Variants in BUB1B observed in about 807,000 individuals in gnomAD.
BUB1B encodes the protein mitotic checkpoint serine/threonine-protein kinase BUB1 beta.
Under a neutral mutation model 137.7 loss-of-function variants are expected in BUB1B, and 86 were observed. That is an observed-to-expected ratio of 0.62 (90% CI 0.52 to 0.75). BUB1B has a LOEUF of 0.75. BUB1B is among the 30% of genes least tolerant of loss of function. The probability of loss-of-function intolerance (pLI) is 0.00; values close to 1 mark genes in which losing one functional copy is unlikely to be tolerated. For synonymous variants in BUB1B, 420 were observed against 417.9 expected, an observed-to-expected ratio of 1.00 and a Z score of -0.06; for missense variants, 1,130 against 1,236.9, an observed-to-expected ratio of 0.91 and a Z score of 1.30.
rs140988235 is a variant in BUB1B at position 40,163,289 on chromosome 15, A to G, written c.36-1764A>G. ...AAATTACTGTAAAATAAAAATCTGT[A>G]AAGGCTGGGAGCGGTGGCTCACACC... On this transcript the variant is annotated intron_variant, in intron 1 of 22. Coordinates refer to ENST00000287598, the MANE Select transcript of BUB1B (RefSeq NM_001211.6). Among the ~76,000 whole-genome samples, 609 of 152,314 alleles carry G rather than the reference A, an allele frequency of 4.0e-3. 4 individuals carry two copies. The highest frequency in any genetic ancestry group is 0.01 in the Middle Eastern group (3 of 294).
At chr15:40,179,990 C>A (rs867116291) in intron 5 of BUB1B, among the ~76,000 whole-genome samples, 168 of 136,652 alleles carry the variant, frequency 1.2e-3, no homozygotes, top group African/African-American at 3.6e-3. Context: ...ATATATATAT[C>A]TCTTAAATAA....
intron 8 of BUB1B, among the ~76,000 whole-genome samples, chr15:40,190,074 G>C (rs1431739701): frequency 2.0e-5 from 3 of 152,134 alleles, no homozygotes; most frequent in Non-Finnish European, 2.9e-5. Context: ...CTCCTTATCT[G>C]TAGGGGATAC....
At chr15:40,164,669 T>C (rs973535424) in intron 1 of BUB1B, among the ~76,000 whole-genome samples, 1 of 151,390 alleles carries the variant, frequency 6.6e-6, no homozygotes, top group Non-Finnish European at 1.5e-5. Flanking sequence ...TTTCTTTTTT[T>C]TTTTTTTTTT....
intron 8 of BUB1B, among the ~76,000 whole-genome samples, chr15:40,187,952 T>C (rs940487425): frequency 1.3e-5 from 2 of 152,194 alleles, no homozygotes; most frequent in African/African-American, 4.8e-5. Context: ...TTTATAGAAA[T>C]GGATAACATA....
At chr15:40,186,938 C>G (rs2037373371) in intron 8 of BUB1B, 1 of 149,302 alleles carries the variant, frequency 6.7e-6, no homozygotes, top group South Asian at 2.1e-4. Context: ...GAGTCTTGCT[C>G]TGTTGCCCAG....
At chr15:40,176,430 TC>T in intron 4 of BUB1B, 46 bp from the exon 5 acceptor site, 1 of 1,552,494 alleles carries the variant, frequency 6.4e-7, no homozygotes. Flanking sequence ...TAATAGGCAT[TC>T]AATACGTGAG....
intron 8 of BUB1B, among the ~76,000 whole-genome samples, chr15:40,191,577 A>G (rs1296685860): frequency 6.6e-6 from 1 of 152,102 alleles, no homozygotes; most frequent in Non-Finnish European, 1.5e-5. Flanking sequence ...GCTTTTATAC[A>G]TTTTCTTCTA....
intron 20 of BUB1B, 145 bp from the exon 21 acceptor site, chr15:40,217,351 C>A: frequency 1.2e-6 from 1 of 804,792 alleles, no homozygotes; most frequent in Non-Finnish European, 2.1e-6. Flanking sequence ...CTCTGTCTTA[C>A]AGGTGCATTT....
rs145639700 is a variant in BUB1B, at chr15:40,217,569, C to T, written c.2752C>T (p.Leu918Phe). 6 of 1,614,038 alleles carry T rather than the reference C, an allele frequency of 3.7e-6. No individual in the cohort carries two copies. The highest frequency in any genetic ancestry group is 5.1e-6 in the Non-Finnish European group (6 of 1,179,980). Residue 918 changes from leucine to phenylalanine, a missense_variant, in exon 21 of 23, where the codon CTT becomes TTT. Leu to Phe is a conservative substitution (Grantham distance 22). Coordinates refer to ENST00000287598, the MANE Select transcript of BUB1B (RefSeq NM_001211.6). The stretch of plus-strand genomic sequence containing the variant: ...AGTGGACTTTTCCTACAGTGTTGAC[C>T]TTAGGGTGCAGCTGGATGTTTTTAC... ...KIVDFSYSVD[L>F]RVQLDVFTLS...
At position 40,206,369 on chromosome 15, in the gene BUB1B, G is replaced by A. The variant is rs755507111; in HGVS notation, c.1920G>A (p.Pro640=). 8.3e-5 allele frequency: 134 copies of A among 1,613,982 alleles called. 1 individual carries two copies. In the East Asian group the frequency reaches 2.0e-3, roughly 25 times the overall value. ...CTTCTGATCCTGAGAGACTGTTACCGGAAGAAGATCTAGATGTAAAGACCT... is the reference window on the plus strand; with the variant it reads ...CTTCTGATCCTGAGAGACTGTTACCAGAAGAAGATCTAGATGTAAAGACCT... The part of the protein sequence containing the change: ...DLPSDPERLL[P]EEDLDVKTSE... The change falls in exon 15 of 23, where the codon CCG becomes CCA. Residue 640 remains proline, a synonymous_variant. Coordinates refer to ENST00000287598, the MANE Select transcript of BUB1B (RefSeq NM_001211.6).
At chr15:40,189,460 A>G (rs1206573734) in intron 8 of BUB1B, among the ~76,000 whole-genome samples, 1 of 152,160 alleles carries the variant, frequency 6.6e-6, no homozygotes, top group African/African-American at 2.4e-5. Context: ...GCGTCCAGGC[A>G]GTGTATGGTC....
At chr15:40,167,471 T>G (rs1276483988) in intron 2 of BUB1B, among the ~76,000 whole-genome samples, 4 of 150,632 alleles carry the variant, frequency 2.7e-5, no homozygotes, top group Non-Finnish European at 4.4e-5. Context: ...GCCTCCTGAG[T>G]AGCTGGGATT....
intron 5 of BUB1B, among the ~76,000 whole-genome samples, chr15:40,178,125 C>G (rs2037243457): frequency 6.6e-6 from 1 of 150,546 alleles, no homozygotes; most frequent in Non-Finnish European, 1.5e-5. Flanking sequence ...ATATAACTTG[C>G]TCTTCTTTTT....
intron 2 of BUB1B, among the ~76,000 whole-genome samples, chr15:40,166,659 C>A (rs190442461): frequency 6.6e-6 from 1 of 152,196 alleles, no homozygotes; most frequent in Non-Finnish European, 1.5e-5. Flanking sequence ...ATTTTCATTT[C>A]CCTTGGAGTG....
At chr15:40,163,693 T>G (rs1565866) in intron 1 of BUB1B, among the ~76,000 whole-genome samples, 75,924 of 152,046 alleles carry the variant, frequency 0.5, 19,435 homozygotes, top group Non-Finnish European at 0.56. Flanking sequence ...CTCACATTTA[T>G]TTCAATATTT....
intron 4 of BUB1B, 113 bp from the exon 5 acceptor site, chr15:40,176,364 G>A (rs2037223049): frequency 7.0e-6 from 7 of 996,184 alleles, no homozygotes; most frequent in Admixed American, 3.8e-5. Context: ...TGTAATAATA[G>A]ATTTTTTTTT....
intron 6 of BUB1B, among the ~76,000 whole-genome samples, chr15:40,184,312 C>CTTTT (rs566826994): frequency 6.9e-6 from 1 of 144,656 alleles, no homozygotes; most frequent in African/African-American, 2.5e-5. Flanking sequence ...TTAACATGGA[C>CTTTT]TTTTTTTTTT....
chr15:40,220,726 G>A lies in BUB1B; in HGVS notation c.3120G>A (p.Lys1040=), dbSNP rs2037891335. The change falls in exon 23 of 23, where the codon AAG becomes AAA. Residue 1040 remains lysine (K), a synonymous_variant. Transcript: ENST00000287598. The part of the protein sequence containing the change: ...HLNKALWKVG[K]LTSPGALLFQ Reference sequence around the variant, plus strand: ...ACAAAGCCTTATGGAAGGTAGGGAAGTTAACTAGTCCTGGGGCTTTGCTCT... The same window carrying A: ...ACAAAGCCTTATGGAAGGTAGGGAAATTAACTAGTCCTGGGGCTTTGCTCT... 1 of 1,614,184 alleles carries A rather than the reference G, an allele frequency of 6.2e-7. No homozygotes were observed. Among genetic ancestry groups the A allele is most frequent in the Non-Finnish European group, 8.5e-7 (1 of 1,180,038 alleles).
At chr15:40,215,481 A>AT (rs1013626352) in intron 20 of BUB1B, among the ~76,000 whole-genome samples, 1 of 151,994 alleles carries the variant, frequency 6.6e-6, no homozygotes, top group African/African-American at 2.4e-5. Context: ...TCAAAAAAAA[A>AT]GCCAGAGGCC....
Sources: gnomAD v4.1 joint callset for allele counts (sites outside exome capture counted in the v4.1 genomes callset) on GRCh38, gnomAD v4.1.1 for gene constraint, MANE v1.5 for transcripts, NCBI Gene and HGNC (gene_info 2026-07-23, HGNC 2026-07-21) for gene names.